NKAIN2: variants seen among roughly 807,000 people sequenced by gnomAD.
NKAIN2 encodes the protein sodium/potassium-transporting ATPase subunit beta-1-interacting protein 2.
Under a neutral mutation model 32.6 loss-of-function variants are expected in NKAIN2, and 14 were observed. The ratio of observed to expected loss-of-function variants is 0.43; its 90% CI spans 0.28 to 0.67. NKAIN2 has a LOEUF of 0.67. NKAIN2 is among the 30% of genes least tolerant of loss of function. NKAIN2 has a pLI of 0.17. For missense variants in NKAIN2, 198 were observed against 258.3 expected (o/e 0.77, Z 1.60); for synonymous variants, 80 against 87.2 (o/e 0.92, Z 0.46).
At chr6:124,053,225 TC>T (rs1243193346) in intron 1 of NKAIN2, among the ~76,000 whole-genome samples, 1 of 151,980 alleles carries the variant, frequency 6.6e-6, no homozygotes, top group Non-Finnish European at 1.5e-5. Flanking sequence ...TAGTTATTTT[TC>T]CTGATCCTCT....
At chr6:124,516,626 G>A (rs1221366457) in intron 3 of NKAIN2, among the ~76,000 whole-genome samples, 2 of 152,078 alleles carry the variant, frequency 1.3e-5, no homozygotes, top group African/African-American at 2.4e-5. Flanking sequence ...AAACACATTT[G>A]TGTTCCTCAG....
At chr6:124,453,847 T>C (rs1051859774) in intron 3 of NKAIN2, among the ~76,000 whole-genome samples, 1 of 152,066 alleles carries the variant, frequency 6.6e-6, no homozygotes, top group African/African-American at 2.4e-5. Context: ...ACCCATCATA[T>C]AGTTAAAAAA....
chr6:124,609,422 G>A (rs1021399230), intron 3 of NKAIN2, among the ~76,000 whole-genome samples: 2 of 144,524 alleles, frequency 1.4e-5, no homozygotes, highest in African/African-American at 2.6e-5. Flanking sequence ...ATGAAGTGTA[G>A]CATCTCCAAA....
At chr6:124,743,080 G>T (rs756136681) in intron 4 of NKAIN2, among the ~76,000 whole-genome samples, 1 of 151,864 alleles carries the variant, frequency 6.6e-6, no homozygotes, top group African/African-American at 2.4e-5. Flanking sequence ...GGACACTGTG[G>T]CATCACAGAG....
intron 2 of NKAIN2, among the ~76,000 whole-genome samples, chr6:124,314,150 C>T (rs1796840479): frequency 6.6e-6 from 1 of 152,082 alleles, no homozygotes; most frequent in African/African-American, 2.4e-5. Context: ...ATATGAAGTG[C>T]TTTCTGCTTG....
In NKAIN2 at chr6:123,960,174, A is replaced by C. The variant is rs1174270713; in HGVS notation, c.54+155920A>C. On this transcript the variant is annotated intron_variant, in intron 1 of 6. Coordinates refer to ENST00000368417, the MANE Select transcript of NKAIN2 (RefSeq NM_001040214.3). Reference sequence around the variant, plus strand: ...GGCATCTAGTTCTACTTTCTAAAAAAAATTGCCAGCCAACACTGTGCAGCA... The same window carrying C: ...GGCATCTAGTTCTACTTTCTAAAAACAATTGCCAGCCAACACTGTGCAGCA... Among the ~76,000 whole-genome samples the C allele has an allele frequency of 3.3e-5, 5 of 152,198 alleles. No individual in the cohort carries two copies. In the East Asian group the frequency reaches 9.6e-4, roughly 29 times the overall value.
At chr6:124,064,112 G>A (rs751074946) in intron 1 of NKAIN2, among the ~76,000 whole-genome samples, 3 of 151,690 alleles carry the variant, frequency 2.0e-5, no homozygotes, top group East Asian at 1.9e-4. Flanking sequence ...CACCATGCCC[G>A]GCTAATTTTT....
In NKAIN2 at chr6:124,231,286, C is replaced by T. The variant is rs899419664; in HGVS notation, c.55-51719C>T. 4.7e-4 allele frequency among the ~76,000 whole-genome samples: 72 copies of T among 152,160 alleles called. 1 individual carries two copies. The highest frequency in any genetic ancestry group is 1.2e-4 in the Non-Finnish European group (8 of 68,032). ...TTGTATCTAGGAAGTAACTAACTTG[C>T]TTTTGATTTTACAGGCTCATAGGCG... On this transcript the variant is annotated intron_variant, in intron 1 of 6. Coordinates refer to ENST00000368417, the MANE Select transcript of NKAIN2 (RefSeq NM_001040214.3).
chr6:124,455,431 G>T (rs1001863566), intron 3 of NKAIN2, among the ~76,000 whole-genome samples: 7 of 151,936 alleles, frequency 4.6e-5, no homozygotes, highest in Non-Finnish European at 8.8e-5. Flanking sequence ...TTTTCGAAAT[G>T]ATATTGAGCT....
At chr6:124,168,733 C>A (rs1467807713) in intron 1 of NKAIN2, among the ~76,000 whole-genome samples, 1 of 152,030 alleles carries the variant, frequency 6.6e-6, no homozygotes, top group African/African-American at 2.4e-5. Flanking sequence ...GAGAATCAGT[C>A]ATCTTAATGA....
At chr6:124,200,650 A>G (rs968743638) in intron 1 of NKAIN2, among the ~76,000 whole-genome samples, 1 of 152,158 alleles carries the variant, frequency 6.6e-6, no homozygotes, top group African/African-American at 2.4e-5. Flanking sequence ...GAATTATATT[A>G]TAAGAACAGC....
chr6:124,548,070 C>T (rs566731132), intron 3 of NKAIN2, among the ~76,000 whole-genome samples: 27 of 152,188 alleles, frequency 1.8e-4, no homozygotes, highest in African/African-American at 6.3e-4. Flanking sequence ...GGATATGAAC[C>T]GTGTAGTATT....
rs1323447332 is a variant in NKAIN2 at position 124,130,911 on chromosome 6, A to G, written c.55-152094A>G. ...CCCATGGTAGCAAAACACAAAACCA[A>G]ACTGCTCATTCAGGTAGCAACAAGG... On this transcript the variant is annotated intron_variant, in intron 1 of 6. Transcript: ENST00000368417. Among the ~76,000 whole-genome samples the G allele has an allele frequency of 1.3e-5, 2 of 152,144 alleles. 1 individual carries two copies. Among genetic ancestry groups the G allele is most frequent in the South Asian group, 4.1e-4 (2 of 4,830 alleles).
intron 3 of NKAIN2, among the ~76,000 whole-genome samples, chr6:124,430,649 A>G (rs770861220): frequency 4.0e-5 from 6 of 149,078 alleles, no homozygotes; most frequent in African/African-American, 7.6e-5. Context: ...GGTAGCTCAG[A>G]GCTACGAAGA....
At chr6:124,111,007 A>G (rs1785360768) in intron 1 of NKAIN2, among the ~76,000 whole-genome samples, 1 of 151,958 alleles carries the variant, frequency 6.6e-6, no homozygotes, top group African/African-American at 2.4e-5. Flanking sequence ...GAGGTGTTTG[A>G]TTACTGATTC....
intron 1 of NKAIN2, among the ~76,000 whole-genome samples, chr6:123,968,549 A>G (rs573558636): frequency 3.5e-4 from 53 of 152,208 alleles, no homozygotes; most frequent in African/African-American, 1.2e-3. Context: ...TGATTTTCCA[A>G]ATCTCTGAGA....
intron 1 of NKAIN2, among the ~76,000 whole-genome samples, chr6:123,812,199 A>G (rs1470828473): frequency 6.6e-6 from 1 of 152,134 alleles, no homozygotes; most frequent in Non-Finnish European, 1.5e-5. Context: ...GATATCCCCT[A>G]TTAATCTTCC....
At chr6:124,796,004 T>C (rs1256825314) in intron 5 of NKAIN2, among the ~76,000 whole-genome samples, 1 of 152,174 alleles carries the variant, frequency 6.6e-6, no homozygotes, top group African/African-American at 2.4e-5. Flanking sequence ...TCTGACCCTT[T>C]AGTTATCTAA....
rs544124235 is a variant in NKAIN2, at chr6:124,064,335, A to G, written c.55-218670A>G. On this transcript the variant is annotated intron_variant, in intron 1 of 6. Coordinates refer to ENST00000368417, the MANE Select transcript of NKAIN2 (RefSeq NM_001040214.3). ...TTACAAAAATATTTGTGCTTTTGCT[A>G]AAAAAATGTGAAATTTTGTTTTGGG... Among the ~76,000 whole-genome samples, 10 of 152,194 alleles carry G rather than the reference A, an allele frequency of 6.6e-5. No homozygotes were observed. The East Asian group carries it at 1.9e-3, about 29-fold the overall frequency.
Sources: allele counts gnomAD v4.1 joint callset (sites outside exome capture counted in the v4.1 genomes callset), GRCh38; gene constraint gnomAD v4.1.1; transcripts MANE v1.5; gene names NCBI Gene and HGNC (gene_info 2026-07-23, HGNC 2026-07-21).